APBB1: variants seen among roughly 807,000 people sequenced by gnomAD.
The protein encoded by APBB1 is adaptor protein FE65a2.
In APBB1, 22 loss-of-function variants were observed where a neutral mutation model predicts 78.4. The ratio of observed to expected loss-of-function variants is 0.28; its 90% CI spans 0.20 to 0.40. The LOEUF (loss-of-function observed/expected upper bound fraction) is 0.40. Among genes scored for constraint, APBB1 ranks in the 10% least tolerant of loss-of-function variants. APBB1 has a pLI of 1.00. For synonymous variants in APBB1, 369 were observed against 372.7 expected, an observed-to-expected ratio of 0.99 and a Z score of 0.12; for missense variants, 749 against 932.4, an observed-to-expected ratio of 0.80 and a Z score of 2.56.
chr11:6,413,599 C>A (rs984461676), intron 1 of APBB1, among the ~76,000 whole-genome samples: 11 of 152,090 alleles, frequency 7.2e-5, no homozygotes, highest in African/African-American at 2.4e-4. Context: ...ATTATAGGTG[C>A]CCACCACCAC....
intron 2 of APBB1, among the ~76,000 whole-genome samples, chr11:6,407,965 G>C (rs1848857545): frequency 6.6e-6 from 1 of 151,624 alleles, no homozygotes; most frequent in Non-Finnish European, 1.5e-5. Flanking sequence ...ATTTTTAGTA[G>C]AGACGGGGTT....
chr11:6,410,613 G>A lies in APBB1; in HGVS notation c.721+14C>T. The A allele has an allele frequency of 2.0e-6, 3 of 1,511,128 alleles. No individual in the cohort carries two copies. Among genetic ancestry groups the A allele is most frequent in the Non-Finnish European group, 2.7e-6 (3 of 1,130,222 alleles). The allele number at this position is 1,511,128 out of a possible 1,614,324, so 93.6% of individuals were successfully genotyped here. On this transcript the variant is annotated intron_variant, in intron 2 of 14. Transcript: ENST00000609360. ...ACACCCTCCCACATGCCCATGTCAA[G>A]CTCCACAAGGTACCTGTGTCCTCTG...
chr11:6,395,817 C>G lies in APBB1; in HGVS notation c.1934G>C (p.Ser645Thr). ...HMFWCEPNAA[S>T]LSEAVQAACM... is the part of the protein sequence containing the mutation. ...CGCAGCCTGCACAGCCTCTGAGAGG[C>G]TGGCAGCATTGGGCTCGCACCAGAA... is the stretch of plus-strand genomic sequence containing the variant. Residue 645 changes from serine to threonine, a missense_variant, in exon 14 of 15, where the codon AGC becomes ACC. Ser to Thr is a moderately conservative substitution (Grantham distance 58). Transcript: ENST00000609360. This position sits in a 1 kb window ranked among gnomAD's most constrained non-coding sequence, Gnocchi z 5.2. The G allele has an allele frequency of 6.2e-7, 1 of 1,614,102 alleles. No individual in the cohort carries two copies. The highest frequency in any genetic ancestry group is 8.5e-7 in the Non-Finnish European group (1 of 1,180,002).
chr11:6,403,438 T>C lies in APBB1; in HGVS notation c.955-34A>G. 1 of 1,614,150 alleles carries C rather than the reference T, an allele frequency of 6.2e-7. No individual in the cohort carries two copies. Among genetic ancestry groups the C allele is most frequent in the Non-Finnish European group, 8.5e-7 (1 of 1,179,994 alleles). On this transcript the variant is annotated intron_variant, in intron 4 of 14. Coordinates refer to ENST00000609360, the MANE Select transcript of APBB1 (RefSeq NM_001164.5). The surrounding 1 kb of genome is among the most constrained non-coding windows in gnomAD (Gnocchi z 5.3). ...GGGGATTGAGGAATCAGTATCAAAA[T>C]GATGCCCCTCCTCCAGCTATCCCGT...
chr11:6,407,738 A>G (rs1172585441), intron 2 of APBB1, among the ~76,000 whole-genome samples: 1 of 152,168 alleles, frequency 6.6e-6, no homozygotes, highest in African/African-American at 2.4e-5. Flanking sequence ...CATCACAAAA[A>G]AGAGAGGCAA....
At position 6,403,476 on chromosome 11, in the gene APBB1, C is replaced by A. The variant is rs1564939671; in HGVS notation, c.954+12G>T. The A allele has an allele frequency of 1.9e-6, 3 of 1,614,164 alleles. No individual in the cohort carries two copies. Among genetic ancestry groups the A allele is most frequent in the Non-Finnish European group, 2.5e-6 (3 of 1,180,010 alleles). ...CCAGCTATCCCGTGGTAAAGCAGGT[C>A]CCCTTACCCACCTTCCAAAATTCTC... On this transcript the variant is annotated intron_variant, in intron 4 of 14. Coordinates refer to ENST00000609360, the MANE Select transcript of APBB1 (RefSeq NM_001164.5). The surrounding 1 kb of genome is among the most constrained non-coding windows in gnomAD (Gnocchi z 5.3).
chr11:6,404,330 GCA>G (rs370304978), intron 2 of APBB1, among the ~76,000 whole-genome samples: 3 of 152,172 alleles, frequency 2.0e-5, no homozygotes, highest in East Asian at 1.9e-4. Context: ...ATGTGCAGGG[GCA>G]CACACACACA....
chr11:6,402,451 G>C, intron 7 of APBB1, 125 bp downstream of exon 7: 1 of 1,212,008 alleles, frequency 8.3e-7, no homozygotes. Flanking sequence ...CCACAGGGCT[G>C]CCACTTAGGA....
At chr11:6,410,124 G>A (rs1330619049) in intron 2 of APBB1, among the ~76,000 whole-genome samples, 3 of 151,922 alleles carry the variant, frequency 2.0e-5, no homozygotes, top group Non-Finnish European at 4.4e-5. Context: ...GTGCACCTGA[G>A]TGCATTGTGC....
Position 6,395,715 on chromosome 11 carries a change from C to A in APBB1, c.1966-14G>T. ...CTGGTAGCGAAGCTGCGGAGGCAAGCAGGGCAGTCACTCCCCAGCCTACCT... is the reference window on the plus strand; with the variant it reads ...CTGGTAGCGAAGCTGCGGAGGCAAGAAGGGCAGTCACTCCCCAGCCTACCT... On this transcript the variant is annotated splice_polypyrimidine_tract_variant and intron_variant, in intron 14 of 14. Coordinates refer to ENST00000609360, the MANE Select transcript of APBB1 (RefSeq NM_001164.5). This position sits in a 1 kb window ranked among gnomAD's most constrained non-coding sequence, Gnocchi z 5.2. 1.3e-6 allele frequency: 2 copies of A among 1,590,326 alleles called. No individual in the cohort carries two copies. The highest frequency in any genetic ancestry group is 8.6e-7 in the Non-Finnish European group (1 of 1,166,118).
chr11:6,402,916 A>G, intron 6 of APBB1, 191 bp from the exon 7 acceptor site: 1 of 814,406 alleles, frequency 1.2e-6, no homozygotes, highest in South Asian at 1.8e-5. Flanking sequence ...AGCTAGTACA[A>G]AAAAGCACCT....
At chr11:6,399,755 CA>C (rs1435511911) in intron 12 of APBB1, among the ~76,000 whole-genome samples, 1 of 152,164 alleles carries the variant, frequency 6.6e-6, no homozygotes, top group Non-Finnish European at 1.5e-5. Context: ...AAGAAAAAAT[CA>C]TTAACATAGC....
chr11:6,411,362 C>T lies in APBB1; in HGVS notation c.-14-1G>A. 6.6e-7 allele frequency: 1 copy of T among 1,524,408 alleles called. No individual in the cohort carries two copies. Among genetic ancestry groups the T allele is most frequent in the Non-Finnish European group, 8.8e-7 (1 of 1,137,744 alleles). 94.4% of individuals were successfully genotyped at this position (1,524,408 alleles called of 1,614,324 possible). ...GGAACAGACATGGCCTTGGCAGCTC[C>T]TGTGGGGTGCGGAGGGGAGATGCTG... On this transcript the variant is annotated splice_acceptor_variant, in intron 1 of 14. Transcript: ENST00000609360. LOFTEE classifies it low-confidence loss of function (5UTR_SPLICE). This position sits in a 1 kb window ranked among gnomAD's most constrained non-coding sequence, Gnocchi z 5.2.
chr11:6,395,536 A>G lies in APBB1; in HGVS notation c.2131T>C (p.Ter711ArgextTer17). Residue 711 changes from the stop codon to arginine, a stop_lost, in exon 15 of 15, where the codon TGA becomes CGA. Coordinates refer to ENST00000609360, the MANE Select transcript of APBB1 (RefSeq NM_001164.5). The surrounding 1 kb of genome is among the most constrained non-coding windows in gnomAD (Gnocchi z 5.2). Reference protein sequence around the residue: ...KPKRLGAHTP* With the variant: ...KPKRLGAHTPR ...GTGGAGGGAAGGTGGGGGCTTCTTC[A>G]TGGGGTATGGGCCCCCAGCCGTTTG... 1.3e-6 allele frequency: 2 copies of G among 1,547,722 alleles called. No homozygotes were observed. Among genetic ancestry groups the G allele is most frequent in the Non-Finnish European group, 1.7e-6 (2 of 1,148,726 alleles).
chr11:6,399,042 C>T (rs1848366991), intron 12 of APBB1, among the ~76,000 whole-genome samples: 1 of 152,144 alleles, frequency 6.6e-6, no homozygotes. Flanking sequence ...TTCAAGTAGC[C>T]TCTTTTCTTC....
At position 6,412,610 on chromosome 11, in the gene APBB1, C is replaced by G. The variant is rs534629259; in HGVS notation, c.-14-1249G>C. 7.2e-5 allele frequency among the ~76,000 whole-genome samples: 11 copies of G among 152,328 alleles called. 2 individuals are homozygous for G. In the South Asian group the frequency reaches 2.3e-3, roughly 32 times the overall value. Reference sequence around the variant, plus strand: ...CAAGCCAATTTATTATTTACTTTGTCTAATGATTGTCTCCTCATGACTATA... The same window carrying G: ...CAAGCCAATTTATTATTTACTTTGTGTAATGATTGTCTCCTCATGACTATA... On this transcript the variant is annotated intron_variant, in intron 1 of 14. Coordinates refer to ENST00000609360, the MANE Select transcript of APBB1 (RefSeq NM_001164.5).
chr11:6,402,907 G>A, intron 6 of APBB1, 182 bp from the exon 7 acceptor site: 1 of 832,840 alleles, frequency 1.2e-6, no homozygotes, highest in South Asian at 1.8e-5. Flanking sequence ...TGAGACCCCA[G>A]CTAGTACAAA....
intron 2 of APBB1, chr11:6,405,327 G>A (rs1848754944): frequency 2.0e-6 from 2 of 987,214 alleles, no homozygotes; most frequent in African/African-American, 1.7e-5. Flanking sequence ...TTGAGGTCCT[G>A]AGCCCCAGCA....
intron 1 of APBB1, among the ~76,000 whole-genome samples, chr11:6,416,766 G>A (rs529696983): frequency 2.0e-5 from 3 of 150,284 alleles, no homozygotes; most frequent in South Asian, 4.2e-4. Context: ...TTTTGCGATG[G>A]AGTCCTGCTG....
Sources: gnomAD v4.1 joint callset for allele counts (sites outside exome capture counted in the v4.1 genomes callset) on GRCh38, gnomAD v4.1.1 for gene constraint, Gnocchi (gnomAD v3.1) non-coding constraint, MANE v1.5 for transcripts, NCBI Gene and HGNC (gene_info 2026-07-23, HGNC 2026-07-21) for gene names.